Variants in CSMD3 observed in about 807,000 individuals in gnomAD.
CSMD3 encodes CUB and Sushi multiple domains 3.
A neutral mutation model predicts 435.2 loss-of-function variants in CSMD3; 177 were observed. That is an observed-to-expected ratio of 0.41 (90% confidence interval 0.36 to 0.46). The LOEUF (loss-of-function observed/expected upper bound fraction) is 0.46, where lower values mean the gene tolerates loss of function less well. CSMD3 is among the 20% of genes least tolerant of loss of function. The probability of loss-of-function intolerance (pLI) is 0.34; values close to 1 mark genes in which losing one functional copy is unlikely to be tolerated. For synonymous variants in CSMD3, 1,656 were observed against 1,520.5 expected, an observed-to-expected ratio of 1.09 and a Z score of -2.07; for missense variants, 4,265 against 4,504.6, an observed-to-expected ratio of 0.95 and a Z score of 1.52.
Position 112,389,428 on chromosome 8 carries a change from G to A in CSMD3, c.5934+1236C>T, listed in dbSNP as rs562208532. Among the ~76,000 whole-genome samples, 19 of 152,190 alleles carry A rather than the reference G, an allele frequency of 1.2e-4. No individual in the cohort carries two copies. The South Asian group carries it at 3.7e-3, about 30-fold the overall frequency. ...TACTATAATAAGATAGGATTGATTC[G>A]TTATCTTCAAATTTGACAAATTGTC... On this transcript the variant is annotated intron_variant, in intron 36 of 70. Coordinates refer to ENST00000297405, the MANE Select transcript of CSMD3 (RefSeq NM_198123.2).
At chr8:112,895,238 G>A (rs2081917729) in intron 10 of CSMD3, among the ~76,000 whole-genome samples, 1 of 151,316 alleles carries the variant, frequency 6.6e-6, no homozygotes, top group East Asian at 2.0e-4. Context: ...TATTATAAAA[G>A]CATAATTATT....
intron 10 of CSMD3, among the ~76,000 whole-genome samples, chr8:112,920,510 T>C (rs1318568529): frequency 2.0e-5 from 3 of 151,920 alleles, no homozygotes; most frequent in Non-Finnish European, 4.4e-5. Context: ...ATTTGAGGTG[T>C]AGATTTTAAT....
chr8:113,021,813 T>G (rs10108312), intron 5 of CSMD3, among the ~76,000 whole-genome samples: 1 of 152,002 alleles, frequency 6.6e-6, no homozygotes, highest in South Asian at 2.1e-4. Flanking sequence ...TAGGGAGAAG[T>G]AGAATGTGCA....
chr8:112,654,571 C>G (rs1049893869), intron 18 of CSMD3, among the ~76,000 whole-genome samples: 3 of 152,162 alleles, frequency 2.0e-5, no homozygotes, highest in Non-Finnish European at 4.4e-5. Context: ...CACTAAGGAC[C>G]TGTAAGTGAC....
intron 25 of CSMD3, among the ~76,000 whole-genome samples, chr8:112,553,004 G>A (rs1396035458): frequency 6.6e-6 from 1 of 152,100 alleles, no homozygotes; most frequent in Non-Finnish European, 1.5e-5. Flanking sequence ...AACATTTTAA[G>A]ATGTGTTGTT....
At chr8:113,245,544 C>T (rs2093267737) in intron 3 of CSMD3, among the ~76,000 whole-genome samples, 1 of 151,948 alleles carries the variant, frequency 6.6e-6, no homozygotes, top group African/African-American at 2.4e-5. Context: ...TCTTCTCCAA[C>T]CCCCTTTCTG....
rs185512244 is a variant in CSMD3, at chr8:112,513,612, C to T, written c.4756+3422G>A. On this transcript the variant is annotated intron_variant, in intron 28 of 70. Transcript: ENST00000297405. ...GAATTACCAAAATATAATACAGGGA[C>T]ATGAAGTGAGCAGATGCCATTGGAA... is the stretch of plus-strand genomic sequence containing the variant. 1.1e-3 allele frequency among the ~76,000 whole-genome samples: 173 copies of T among 152,150 alleles called. 1 individual carries two copies. The highest frequency in any genetic ancestry group is 3.9e-3 in the African/African-American group (162 of 41,506).
chr8:112,304,707 G>T lies in CSMD3; in HGVS notation c.8266+14C>A. On this transcript the variant is annotated intron_variant, in intron 52 of 70. Coordinates refer to ENST00000297405, the MANE Select transcript of CSMD3 (RefSeq NM_198123.2). Reference sequence around the variant, plus strand: ...CATAGCTTATGAAATAAGTTTAGCAGAGTGTATACTTACTTTGGCAATATG... The same window carrying T: ...CATAGCTTATGAAATAAGTTTAGCATAGTGTATACTTACTTTGGCAATATG... 1 of 1,583,964 alleles carries T rather than the reference G, an allele frequency of 6.3e-7. No homozygotes were observed. Among genetic ancestry groups the T allele is most frequent in the Non-Finnish European group, 8.7e-7 (1 of 1,152,580 alleles).
At chr8:112,825,398 G>A (rs945244513) in intron 12 of CSMD3, among the ~76,000 whole-genome samples, 8 of 151,834 alleles carry the variant, frequency 5.3e-5, no homozygotes, top group Admixed American at 1.3e-4. Context: ...TGGCCTTCTG[G>A]ATTTTCATCT....
intron 12 of CSMD3, among the ~76,000 whole-genome samples, chr8:112,813,785 A>G (rs1445887435): frequency 6.6e-6 from 1 of 152,140 alleles, no homozygotes; most frequent in Non-Finnish European, 1.5e-5. Context: ...ACCTCCTCTT[A>G]TAAGGGTGAG....
chr8:113,364,598 C>T (rs1020726077), intron 1 of CSMD3, among the ~76,000 whole-genome samples: 2 of 151,918 alleles, frequency 1.3e-5, no homozygotes, highest in African/African-American at 2.4e-5. Context: ...AATCTCTAAA[C>T]GATACCAGTT....
intron 1 of CSMD3, among the ~76,000 whole-genome samples, chr8:113,420,911 T>C (rs900482284): frequency 6.6e-6 from 1 of 151,766 alleles, no homozygotes; most frequent in African/African-American, 2.4e-5. Flanking sequence ...ATCGCCCCAT[T>C]GCACTCCAAT....
chr8:112,859,853 T>G (rs186027299), intron 10 of CSMD3, among the ~76,000 whole-genome samples: 1 of 151,936 alleles, frequency 6.6e-6, no homozygotes, highest in Admixed American at 6.6e-5. Context: ...TTCTACTTAA[T>G]AAATGAGCTA....
At chr8:113,390,982 C>T (rs2094459051) in intron 1 of CSMD3, among the ~76,000 whole-genome samples, 1 of 151,928 alleles carries the variant, frequency 6.6e-6, no homozygotes, top group African/African-American at 2.4e-5. Context: ...AAAGATGCTT[C>T]ATGTTGTCAA....
intron 3 of CSMD3, among the ~76,000 whole-genome samples, chr8:113,181,073 C>A (rs557837508): frequency 2.6e-4 from 40 of 151,732 alleles, no homozygotes; most frequent in Non-Finnish European, 3.2e-4. Flanking sequence ...TGAAAGGGAA[C>A]CCAAATAAAT....
chr8:112,500,323 T>C (rs1248106004), intron 30 of CSMD3, among the ~76,000 whole-genome samples: 2 of 152,160 alleles, frequency 1.3e-5, no homozygotes, highest in Non-Finnish European at 2.9e-5. Context: ...GGAACTAGTT[T>C]TTAGAAAAAG....
chr8:112,678,632 A>G (rs1478209064), intron 16 of CSMD3, among the ~76,000 whole-genome samples: 5 of 152,280 alleles, frequency 3.3e-5, no homozygotes, highest in East Asian at 1.9e-4. Context: ...AAAACATTTT[A>G]TACTGATTTC....
At chr8:112,344,487 G>T (rs1825476619) in intron 41 of CSMD3, among the ~76,000 whole-genome samples, 1 of 152,098 alleles carries the variant, frequency 6.6e-6, no homozygotes, top group Admixed American at 6.5e-5. Flanking sequence ...ATTTAAATAT[G>T]CATTTATACT....
intron 13 of CSMD3, among the ~76,000 whole-genome samples, chr8:112,791,078 T>A (rs185684510): frequency 6.6e-6 from 1 of 152,172 alleles, no homozygotes; most frequent in Admixed American, 6.5e-5. Context: ...ACCTCAGGTC[T>A]TTGGGAAGCT....
Sources: gnomAD v4.1 joint callset for allele counts (sites outside exome capture counted in the v4.1 genomes callset) on GRCh38, gnomAD v4.1.1 for gene constraint, MANE v1.5 for transcripts, NCBI Gene and HGNC (gene_info 2026-07-23, HGNC 2026-07-21) for gene names.